Variants in TENM2 observed in about 807,000 individuals in gnomAD.
The protein encoded by TENM2 is teneurin transmembrane protein 2.
Under a neutral mutation model 245.2 loss-of-function variants are expected in TENM2, and 52 were observed. That is an observed-to-expected ratio of 0.21 (90% CI 0.17 to 0.27). The LOEUF is 0.27. Among genes scored for constraint, TENM2 ranks in the 10% least tolerant of loss-of-function variants. The pLI, the probability that TENM2 is intolerant of heterozygous loss-of-function variation, is 1.00. For synonymous variants in TENM2, 1,363 were observed against 1,438.9 expected, an observed-to-expected ratio of 0.95 and a Z score of 1.19; for missense variants, 3,046 against 3,666.8, an observed-to-expected ratio of 0.83 and a Z score of 4.37.
chr5:167,069,290 A>G, the TENM2 span, among the ~76,000 whole-genome samples: 1 of 152,194 alleles, frequency 6.6e-6, no homozygotes, highest in East Asian at 1.9e-4. Flanking sequence ...CATTTGTGGC[A>G]TTTGTGTAAG....
chr5:167,994,879 T>G (rs1783936800), intron 5 of TENM2, among the ~76,000 whole-genome samples: 1 of 152,186 alleles, frequency 6.6e-6, no homozygotes. Context: ...CCTCTGAATC[T>G]CTTGAGTACA....
intron 2 of TENM2, among the ~76,000 whole-genome samples, chr5:167,417,933 C>A (rs1232216705): frequency 6.6e-6 from 1 of 152,174 alleles, no homozygotes; most frequent in Non-Finnish European, 1.5e-5. Context: ...TTTCATTTTG[C>A]ATTTTCATAT....
intron 16 of TENM2, 59 bp from the exon 19 acceptor site, chr5:168,199,805 T>G: frequency 6.4e-7 from 1 of 1,560,050 alleles, no homozygotes; most frequent in South Asian, 1.2e-5. Flanking sequence ...GTATCGGGGT[T>G]ACAGTTTACC....
At chr5:167,020,127 C>T in the TENM2 span, among the ~76,000 whole-genome samples, 6 of 152,108 alleles carry the variant, frequency 3.9e-5, no homozygotes, top group East Asian at 1.9e-4. Context: ...GTCACACCAC[C>T]GTATATAATA....
At chr5:167,461,293 T>C (rs1396789608) in intron 2 of TENM2, among the ~76,000 whole-genome samples, 3 of 152,008 alleles carry the variant, frequency 2.0e-5, no homozygotes, top group Non-Finnish European at 4.4e-5. Flanking sequence ...TTTCACACAT[T>C]TAGAAGAGAA....
chr5:167,779,581 T>C (rs894305304), intron 2 of TENM2, among the ~76,000 whole-genome samples: 1 of 152,234 alleles, frequency 6.6e-6, no homozygotes, highest in Non-Finnish European at 1.5e-5. Flanking sequence ...CATGACTTTA[T>C]TAGGGTCTGT....
chr5:167,679,207 T>C (rs541272084), intron 2 of TENM2, among the ~76,000 whole-genome samples: 2 of 152,272 alleles, frequency 1.3e-5, no homozygotes, highest in East Asian at 3.9e-4. Flanking sequence ...TACCCTGTTA[T>C]CATCTACTTA....
exon 1 of TENM2, chr5:167,285,003 C>T: frequency 6.4e-7 from 1 of 1,552,108 alleles, no homozygotes; most frequent in Non-Finnish European, 8.7e-7. Flanking sequence ...CAGCAGGATG[C>T]ACTATGGAAA....
intron 13 of TENM2, among the ~76,000 whole-genome samples, chr5:168,163,051 A>C (rs1757895538): frequency 6.6e-6 from 1 of 152,206 alleles, no homozygotes; most frequent in Non-Finnish European, 1.5e-5. Flanking sequence ...GTCCTGCCAG[A>C]ACTTTCAGGG....
At chr5:168,224,823 A>G (rs1764009325) in intron 23 of TENM2, among the ~76,000 whole-genome samples, 1 of 151,438 alleles carries the variant, frequency 6.6e-6, no homozygotes, top group Non-Finnish European at 1.5e-5. Context: ...CAGTAACAAA[A>G]CTCATCTGGG....
intron 2 of TENM2, among the ~76,000 whole-genome samples, chr5:167,379,850 C>T (rs1426421183): frequency 6.8e-6 from 1 of 147,878 alleles, no homozygotes; most frequent in Non-Finnish European, 1.5e-5. Context: ...TTTCCAGCCA[C>T]ATTTTATGAA....
intron 13 of TENM2, among the ~76,000 whole-genome samples, chr5:168,167,110 AAAAAG>A (rs1758371922): frequency 1.3e-5 from 2 of 152,178 alleles, no homozygotes; most frequent in Non-Finnish European, 2.9e-5. Flanking sequence ...CCCCAATTTG[AAAAAG>A]AAGAGACTCA....
chr5:167,803,643 A>T (rs1301136734), intron 2 of TENM2, among the ~76,000 whole-genome samples: 1 of 152,032 alleles, frequency 6.6e-6, no homozygotes, highest in Non-Finnish European at 1.5e-5. Flanking sequence ...AGGCATAAAT[A>T]CTTTGATTCA....
chr5:167,806,888 T>C (rs1422024558), intron 2 of TENM2, among the ~76,000 whole-genome samples: 2 of 151,844 alleles, frequency 1.3e-5, no homozygotes, highest in African/African-American at 4.8e-5. Flanking sequence ...GGGCTAACTT[T>C]TCTGAGTAAC....
Position 168,152,599 on chromosome 5 carries a change from T to C in TENM2, c.2423-10012T>C, listed in dbSNP as rs146625686. ...TGCTTTGTCCCTATTTCCATACTGG[T>C]AGGTACCACATTCATTATTTGCTGG... On this transcript the variant is annotated intron_variant, in intron 12 of 28. Coordinates refer to ENST00000518659, the Ensembl canonical transcript of TENM2. Among the ~76,000 whole-genome samples the C allele has an allele frequency of 3.5e-3, 529 of 152,314 alleles. 4 individuals carry two copies. Among genetic ancestry groups the C allele is most frequent in the African/African-American group, 0.012 (498 of 41,558 alleles).
intron 2 of TENM2, among the ~76,000 whole-genome samples, chr5:167,706,663 A>C (rs1758546183): frequency 6.6e-6 from 1 of 151,976 alleles, no homozygotes; most frequent in Non-Finnish European, 1.5e-5. Context: ...TTTTTTGAGG[A>C]GTATCTATAC....
At position 167,463,086 on chromosome 5, in the gene TENM2, G is replaced by C. The variant is rs1024965922; in HGVS notation, c.502+87613G>C. Reference sequence around the variant, plus strand: ...ACTCTTTCATGGAAATGTAAGTAGAGATAAAAATGTAAATAGAGATGTTTA... The same window carrying C: ...ACTCTTTCATGGAAATGTAAGTAGACATAAAAATGTAAATAGAGATGTTTA... On this transcript the variant is annotated intron_variant, in intron 2 of 28. Coordinates refer to ENST00000518659, the Ensembl canonical transcript of TENM2. Among the ~76,000 whole-genome samples the C allele has an allele frequency of 2.0e-5, 3 of 152,214 alleles. No homozygotes were observed. The East Asian group carries it at 5.8e-4, about 29-fold the overall frequency.
chr5:167,292,552 G>A (rs1469175440), intron 1 of TENM2, among the ~76,000 whole-genome samples: 1 of 152,024 alleles, frequency 6.6e-6, no homozygotes, highest in East Asian at 1.9e-4. Flanking sequence ...CTTTCCTCTG[G>A]CATGTTTTCC....
At chr5:167,510,814 G>C (rs1769899477) in intron 2 of TENM2, among the ~76,000 whole-genome samples, 1 of 152,106 alleles carries the variant, frequency 6.6e-6, no homozygotes, top group African/African-American at 2.4e-5. Context: ...CAATACTTCT[G>C]ATGTTTTGTT....
Sources: gnomAD v4.1 joint callset for allele counts (sites outside exome capture counted in the v4.1 genomes callset) on GRCh38, gnomAD v4.1.1 for gene constraint, MANE v1.5 for transcripts, NCBI Gene and HGNC (gene_info 2026-07-23, HGNC 2026-07-21) for gene names.